EPGN: variants seen among roughly 807,000 people sequenced by gnomAD.
EPGN encodes epithelial mitogen, also known as epigen.
In EPGN, 21 loss-of-function variants were observed where a neutral mutation model predicts 20.7. That is an observed-to-expected ratio of 1.01 (90% CI 0.72 to 1.46). The LOEUF is 1.46. EPGN is among the 40% of genes most tolerant of loss of function. The probability of loss-of-function intolerance (pLI) is 0.00; values close to 1 mark genes in which losing one functional copy is unlikely to be tolerated. For missense variants in EPGN, 199 were observed against 180.7 expected (o/e 1.10, Z -0.58); for synonymous variants, 69 against 63.8 (o/e 1.08, Z -0.39).
chr4:74,313,298 A>C, intron 4 of EPGN, 128 bp downstream of exon 4: 2 of 1,414,748 alleles, frequency 1.4e-6, no homozygotes, highest in Non-Finnish European at 1.8e-6. Context: ...GTAATCTGGC[A>C]AAAAGTTTCT....
chr4:74,311,434 T>TA (rs1484874056), intron 2 of EPGN, among the ~76,000 whole-genome samples: 4 of 152,160 alleles, frequency 2.6e-5, no homozygotes, highest in Non-Finnish European at 5.9e-5. Flanking sequence ...ATTTTTAATA[T>TA]AAAAAAGAAT....
chr4:74,313,010 T>G lies in EPGN; in HGVS notation c.255-8T>G. 1 of 1,580,264 alleles carries G rather than the reference T, an allele frequency of 6.3e-7. No homozygotes were observed. Among genetic ancestry groups the G allele is most frequent in the Non-Finnish European group, 8.5e-7 (1 of 1,171,792 alleles). On this transcript the variant is annotated splice_polypyrimidine_tract_variant and splice_region_variant and intron_variant, in intron 3 of 4. Transcript: ENST00000413830. The stretch of plus-strand genomic sequence containing the variant: ...TTTTAAAATTAAACTTTTTTTCTTT[T>G]TTTAAAGGTGTTTTACTGGTTATAC...
chr4:74,313,557 A>G (rs1751107738), intron 4 of EPGN: 1 of 1,055,506 alleles, frequency 9.5e-7, no homozygotes, highest in East Asian at 6.9e-5. Flanking sequence ...ATATTTGTTG[A>G]GTGAAATAAA....
Position 74,313,161 on chromosome 4 carries a change from TA to T in EPGN, c.400del (p.Arg134GlufsTer5). The T allele has an allele frequency of 6.2e-7, 1 of 1,610,382 alleles. No homozygotes were observed. The highest frequency in any genetic ancestry group is 8.5e-7 in the Non-Finnish European group (1 of 1,179,112). On this transcript the variant is annotated frameshift_variant, in exon 4 of 5. Transcript: ENST00000413830. LOFTEE classifies it high-confidence loss of function. The stretch of plus-strand genomic sequence containing the variant: ...TTTCTTGTTATTTTTTACTGCTATA[TA>T]AGAAAGAGGTATGAAAAAGACAAAA... The part of the protein sequence containing the change: ...SGFLVIFYCY[I>X]RKRCLKLKSP...
Position 74,312,325 on chromosome 4 carries a change from C to G in EPGN, c.254+20C>G, listed in dbSNP as rs759425587. 1 of 1,603,442 alleles carries G rather than the reference C, an allele frequency of 6.2e-7. No homozygotes were observed. The highest frequency in any genetic ancestry group is 8.5e-7 in the Non-Finnish European group (1 of 1,176,320). ...CTGCAGGTAAATGCAAAGAAATATC[C>G]AAGTCCTAGAGACAGGAGATGAGTT... On this transcript the variant is annotated intron_variant, in intron 3 of 4. Transcript: ENST00000413830.
rs1751257953 is a variant in EPGN at position 74,316,073 on chromosome 4, C to A, written c.*1436C>A. Among the ~76,000 whole-genome samples the A allele has an allele frequency of 6.6e-6, 1 of 152,044 alleles. No individual in the cohort carries two copies. Among genetic ancestry groups the A allele is most frequent in the African/African-American group, 2.4e-5 (1 of 41,386 alleles). On this transcript the variant is annotated 3_prime_UTR_variant, in exon 5 of 5. Coordinates refer to ENST00000413830, the MANE Select transcript of EPGN (RefSeq NM_001270989.2). ...TTTGTTTCATCTTCTACAAGGCCCT[C>A]TTAGCTCTAAAACTTGACAGTGGAA...
In EPGN at chr4:74,313,039, A is replaced by T. The variant is rs1751062087; in HGVS notation, c.276A>T (p.Gly92=). 1.2e-6 allele frequency: 2 copies of T among 1,610,374 alleles called. No homozygotes were observed. Among genetic ancestry groups the T allele is most frequent in the Non-Finnish European group, 8.5e-7 (1 of 1,179,196 alleles). ...AICRCFTGYT[G]ERCEHLTLTS... ...AAAGGTGTTTTACTGGTTATACTGG[A>T]GAAAGGTGTGAGCACTTGACTTTAA... Residue 92 remains glycine (G), a synonymous_variant, in exon 4 of 5, where the codon GGA becomes GGT. Transcript: ENST00000413830.
chr4:74,314,645 GT>G lies in EPGN; in HGVS notation c.*9del. 6.5e-7 allele frequency: 1 copy of G among 1,535,910 alleles called. No individual in the cohort carries two copies. On this transcript the variant is annotated 3_prime_UTR_variant, in exon 5 of 5. Coordinates refer to ENST00000413830, the MANE Select transcript of EPGN (RefSeq NM_001270989.2). ...GAAAGACGACCACTGTGAGGCCTTT[GT>G]GAAGAATTTTCATCAAGGCATCTGT...
intron 2 of EPGN, among the ~76,000 whole-genome samples, chr4:74,309,625 T>C (rs1467065415): frequency 1.3e-5 from 2 of 152,208 alleles, no homozygotes; most frequent in African/African-American, 2.4e-5. Context: ...CTTTTTTTCT[T>C]GTTTGCTTTG....
chr4:74,311,980 CTAAT>C (rs982931080), intron 2 of EPGN, among the ~76,000 whole-genome samples: 3 of 152,130 alleles, frequency 2.0e-5, no homozygotes, highest in Non-Finnish European at 2.9e-5. Context: ...CCTCCATCCC[CTAAT>C]TAATTAATAA....
intron 1 of EPGN, 34 bp from the exon 2 acceptor site, chr4:74,309,059 C>A: frequency 6.7e-7 from 1 of 1,503,660 alleles, no homozygotes; most frequent in Non-Finnish European, 9.2e-7. Context: ...GAAGGAGGCT[C>A]TCTGTTAAAG....
chr4:74,315,467 C>T lies in EPGN; in HGVS notation c.*830C>T, dbSNP rs1048638031. Reference sequence around the variant, plus strand: ...TTACCTGGTGACCATTCATTTGGACCGAAATCCTGGAAGTCTCCTACTGAA... The same window carrying T: ...TTACCTGGTGACCATTCATTTGGACTGAAATCCTGGAAGTCTCCTACTGAA... On this transcript the variant is annotated 3_prime_UTR_variant, in exon 5 of 5. Transcript: ENST00000413830. 3.3e-5 allele frequency among the ~76,000 whole-genome samples: 5 copies of T among 152,048 alleles called. No homozygotes were observed. Among genetic ancestry groups the T allele is most frequent in the African/African-American group, 4.8e-5 (2 of 41,398 alleles).
rs1194905586 is a variant in EPGN, at chr4:74,314,770, A to G, written c.*133A>G. The G allele has an allele frequency of 6.2e-5, 53 of 851,928 alleles. No homozygotes were observed. Among genetic ancestry groups the G allele is most frequent in the Non-Finnish European group, 8.8e-5 (49 of 557,518 alleles). 52.8% of individuals were successfully genotyped at this position (851,928 alleles called of 1,614,324 possible). A position where few individuals can be genotyped will look rare whatever the true frequency, so the allele number is the denominator to read the frequency against. On this transcript the variant is annotated 3_prime_UTR_variant, in exon 5 of 5. Transcript: ENST00000413830. ...TAATGAAAGTTGGGATCACAATGAA[A>G]TGAGAAGATAAAATTCAGCGTTGGC...
chr4:74,311,358 T>C (rs1275003020), intron 2 of EPGN, among the ~76,000 whole-genome samples: 3 of 152,256 alleles, frequency 2.0e-5, no homozygotes, highest in Non-Finnish European at 1.5e-5. Flanking sequence ...ATAATGTGTG[T>C]TCTCACCAAA....
intron 2 of EPGN, 126 bp downstream of exon 2, chr4:74,309,308 T>C (rs765766144): frequency 2.8e-5 from 18 of 634,216 alleles, no homozygotes; most frequent in Non-Finnish European, 4.1e-5. Context: ...TCAGCTCTTT[T>C]AGCAGGATGC....
chr4:74,308,562 A>G lies in EPGN; in HGVS notation c.29A>G (p.Tyr10Cys), dbSNP rs753596161. The change falls in exon 1 of 5, where the codon TAT becomes TGT. Residue 10 changes from tyrosine to cysteine, a missense_variant. Coordinates refer to ENST00000413830, the MANE Select transcript of EPGN (RefSeq NM_001270989.2). ...GCTTTGGGAGTTCCAATATCAGTCTATCTTTTATTCAACGGTAGGTAATTT... is the reference window on the plus strand; with the variant it reads ...GCTTTGGGAGTTCCAATATCAGTCTGTCTTTTATTCAACGGTAGGTAATTT... MALGVPISV[Y>C]LLFNAMTALT... The G allele has an allele frequency of 1.2e-6, 2 of 1,610,014 alleles. No individual in the cohort carries two copies. The highest frequency in any genetic ancestry group is 1.7e-6 in the Non-Finnish European group (2 of 1,177,476).
chr4:74,312,479 T>C (rs1751025921), intron 3 of EPGN, among the ~76,000 whole-genome samples, 174 bp downstream of exon 3: 1 of 152,192 alleles, frequency 6.6e-6, no homozygotes. Context: ...TTGTCCAAAC[T>C]ATTTAATTCT....
chr4:74,314,582 G>A lies in EPGN; in HGVS notation c.410G>A (p.Cys137Tyr), dbSNP rs1240047396. The change falls in exon 5 of 5, where the codon TGT (cysteine) becomes TAT (tyrosine). Residue 137 changes from cysteine (C) to tyrosine (Y), a missense_variant and splice_region_variant. Cys to Tyr is a radical substitution (Grantham distance 194). Transcript: ENST00000413830. ...VIFYCYIRKR[C>Y]LKLKSPYNVC... ...TGGAAACCAATGCTCTGTTTCAGGT[G>A]TCTAAAATTGAAATCGCCTTACAAT... is the stretch of plus-strand genomic sequence containing the variant. 1.3e-6 allele frequency: 2 copies of A among 1,536,034 alleles called. No individual in the cohort carries two copies. Among genetic ancestry groups the A allele is most frequent in the Non-Finnish European group, 8.7e-7 (1 of 1,146,804 alleles).
chr4:74,315,929 G>A lies in EPGN; in HGVS notation c.*1292G>A, dbSNP rs1489150085. Among the ~76,000 whole-genome samples the A allele has an allele frequency of 1.3e-5, 2 of 149,630 alleles. No homozygotes were observed. The highest frequency in any genetic ancestry group is 5.0e-5 in the African/African-American group (2 of 40,146). ...ATGGCAACCCTGCACTCCAACCTGG[G>A]TGACAAGAGCGAAACTCCATCTCAA... On this transcript the variant is annotated 3_prime_UTR_variant, in exon 5 of 5. Coordinates refer to ENST00000413830, the MANE Select transcript of EPGN (RefSeq NM_001270989.2).
Sources: allele counts gnomAD v4.1 joint callset (sites outside exome capture counted in the v4.1 genomes callset), GRCh38; gene constraint gnomAD v4.1.1; transcripts MANE v1.5; gene names NCBI Gene and HGNC (gene_info 2026-07-23, HGNC 2026-07-21).